Variants in SLIT1 observed in about 807,000 individuals in gnomAD.
SLIT1 encodes slit guidance ligand 1.
Under a neutral mutation model 186.1 loss-of-function variants are expected in SLIT1, and 66 were observed. The ratio of observed to expected loss-of-function variants is 0.35; its 90% CI spans 0.29 to 0.44. The LOEUF is 0.44. Among genes scored for constraint, SLIT1 ranks in the 20% least tolerant of loss-of-function variants. The pLI, the probability that SLIT1 is intolerant of heterozygous loss-of-function variation, is 1.00. For synonymous variants in SLIT1, 761 were observed against 833.8 expected (o/e 0.91, Z 1.50); for missense variants, 1,638 against 2,037.4 (o/e 0.80, Z 3.77).
chr10:97,006,844 G>A lies in SLIT1; in HGVS notation c.3342-124C>T. 1.5e-6 allele frequency: 1 copy of A among 683,568 alleles called. No homozygotes were observed. Among genetic ancestry groups the A allele is most frequent in the East Asian group, 2.7e-5 (1 of 36,776 alleles). 42.3% of individuals were successfully genotyped at this position (683,568 alleles called of 1,614,324 possible). ...ATGGATTCTTAAAGCGACAGAAGAT[G>A]CTCCTAATAAACACTTTTCATGAGA... On this transcript the variant is annotated intron_variant, in intron 31 of 36. Coordinates refer to ENST00000266058, the MANE Select transcript of SLIT1 (RefSeq NM_003061.3). This position sits in a 1 kb window ranked among gnomAD's most constrained non-coding sequence, Gnocchi z 4.0.
At chr10:97,148,353 G>A (rs2784929) in intron 4 of SLIT1, among the ~76,000 whole-genome samples, 145,985 of 151,920 alleles carry the variant, frequency 0.96, 70,387 homozygotes, top group East Asian at 1. Flanking sequence ...CAGTGGCACA[G>A]TCATAACTCA....
intron 4 of SLIT1, among the ~76,000 whole-genome samples, chr10:97,147,625 G>A (rs1474331082): frequency 6.6e-6 from 1 of 151,228 alleles, no homozygotes; most frequent in Non-Finnish European, 1.5e-5. Context: ...CAGGTTCAGA[G>A]AGCTGGGAGG....
chr10:97,166,542 G>GGAAA (rs1850110940), intron 1 of SLIT1, among the ~76,000 whole-genome samples: 1 of 51,774 alleles, frequency 1.9e-5, no homozygotes, highest in African/African-American at 7.7e-5. Flanking sequence ...AAGGAAGGAA[G>GGAAA]GAAGGAAGGA....
intron 4 of SLIT1, among the ~76,000 whole-genome samples, chr10:97,079,758 T>C (rs1398105271): frequency 6.6e-6 from 1 of 152,168 alleles, no homozygotes; most frequent in Non-Finnish European, 1.5e-5. Context: ...TGTGAGTATC[T>C]GACTGTGCCA....
At chr10:97,055,509 G>T (rs1055450160) in intron 13 of SLIT1, among the ~76,000 whole-genome samples, 2 of 152,046 alleles carry the variant, frequency 1.3e-5, no homozygotes, top group African/African-American at 4.8e-5. Context: ...CTACAGGTAT[G>T]TGCCATCATA....
intron 4 of SLIT1, among the ~76,000 whole-genome samples, chr10:97,072,331 T>C (rs576085276): frequency 2.6e-5 from 4 of 152,262 alleles, no homozygotes; most frequent in Admixed American, 1.3e-4. Context: ...GCTAATTTTT[T>C]AAAAAATATT....
At chr10:97,099,931 C>T (rs1193138265) in intron 4 of SLIT1, among the ~76,000 whole-genome samples, 2 of 152,130 alleles carry the variant, frequency 1.3e-5, no homozygotes, top group Admixed American at 6.5e-5. Flanking sequence ...CGTTGAAAAG[C>T]CATTTAATAA....
rs919623602 is a variant in SLIT1, at chr10:97,004,292, C to T, written c.3711-70G>A. On this transcript the variant is annotated intron_variant, in intron 33 of 36. Coordinates refer to ENST00000266058, the MANE Select transcript of SLIT1 (RefSeq NM_003061.3). This position sits in a 1 kb window ranked among gnomAD's most constrained non-coding sequence, Gnocchi z 5.1. ...CTGGACCATCCCTGCCTGGGCACTTCCCCAGAAACACCAGTAGCTGCTTCC... is the reference window on the plus strand; with the variant it reads ...CTGGACCATCCCTGCCTGGGCACTTTCCCAGAAACACCAGTAGCTGCTTCC... 3 of 1,475,556 alleles carry T rather than the reference C, an allele frequency of 2.0e-6. No homozygotes were observed. In the South Asian group the frequency reaches 3.7e-5, roughly 18 times the overall value. The allele number at this position is 1,475,556 out of a possible 1,614,324, so 91.4% of individuals were successfully genotyped here.
intron 32 of SLIT1, among the ~76,000 whole-genome samples, chr10:97,005,719 A>G (rs2134587952): frequency 6.6e-6 from 1 of 152,338 alleles, no homozygotes; most frequent in South Asian, 2.1e-4. Context: ...CTTGCCATGT[A>G]GACTATGTAA....
chr10:97,073,060 T>G (rs578148419), intron 4 of SLIT1, among the ~76,000 whole-genome samples: 37 of 152,356 alleles, frequency 2.4e-4, no homozygotes, highest in African/African-American at 8.4e-4. Context: ...TCCCTGGACC[T>G]GGATGCCTCA....
At chr10:97,048,068 C>T in intron 14 of SLIT1, 72 bp from the exon 15 acceptor site, 2 of 1,557,252 alleles carry the variant, frequency 1.3e-6, no homozygotes, top group South Asian at 2.2e-5. Context: ...AGGCCCCAGC[C>T]CCACTGCTCA....
intron 4 of SLIT1, among the ~76,000 whole-genome samples, chr10:97,151,362 G>T (rs1040039880): frequency 4.0e-5 from 6 of 150,650 alleles, no homozygotes; most frequent in Admixed American, 2.0e-4. Context: ...GTGGGAGGGG[G>T]AGGGTTGATG....
intron 4 of SLIT1, among the ~76,000 whole-genome samples, chr10:97,121,094 C>T (rs778502170): frequency 1.1e-4 from 16 of 152,180 alleles, no homozygotes; most frequent in Non-Finnish European, 1.8e-4. Context: ...TGCATTCTCT[C>T]CTTCTGTAGA....
chr10:97,177,497 T>C (rs1041480625), intron 1 of SLIT1, among the ~76,000 whole-genome samples: 1 of 152,214 alleles, frequency 6.6e-6, no homozygotes, highest in Non-Finnish European at 1.5e-5. Flanking sequence ...TAGCTTCCTA[T>C]GACAAATTAC....
At chr10:97,073,940 G>T (rs1849023074) in intron 4 of SLIT1, among the ~76,000 whole-genome samples, 3 of 152,178 alleles carry the variant, frequency 2.0e-5, no homozygotes, top group African/African-American at 7.2e-5. Flanking sequence ...CTGTGTACTT[G>T]CTGTGGCTTC....
In SLIT1 at chr10:97,002,338, C is replaced by T. The variant is rs200420992; in HGVS notation, c.4186G>A (p.Ala1396Thr). The change falls in exon 36 of 37, where the codon GCT becomes ACT. Residue 1396 changes from alanine (A) to threonine (T), a missense_variant. Transcript: ENST00000266058. ...CVHGQCVPLD[A>T]LSYSCQCQDG... ...TGGCACTGGCAGCTGTAGGAAAGAG[C>T]GTCGAGGGGCACGCATTGCCCATGG... 33 of 1,609,924 alleles carry T rather than the reference C, an allele frequency of 2.0e-5. No individual in the cohort carries two copies. Among genetic ancestry groups the T allele is most frequent in the Admixed American group, 1.5e-4 (9 of 59,906 alleles).
chr10:97,146,404 T>G (rs1047489852), intron 4 of SLIT1, among the ~76,000 whole-genome samples: 5 of 152,192 alleles, frequency 3.3e-5, no homozygotes, highest in African/African-American at 1.2e-4. Context: ...GAGTCCAGCC[T>G]GGCACCAACT....
chr10:97,078,018 G>A (rs1849062227), intron 4 of SLIT1, among the ~76,000 whole-genome samples: 1 of 152,028 alleles, frequency 6.6e-6, no homozygotes, highest in Non-Finnish European at 1.5e-5. Flanking sequence ...TGAGTTGGGA[G>A]GATTGTCAAG....
rs980354165 is a variant in SLIT1 at position 97,068,287 on chromosome 10, G to A, written c.414-2201C>T. ...TCGAGGCCTGGCCCTCCCCCTCCTG[G>A]CCATACATCTGCAAGGCACCCTTCC... is the stretch of plus-strand genomic sequence containing the variant. On this transcript the variant is annotated intron_variant, in intron 4 of 36. Transcript: ENST00000266058. This position sits in a 1 kb window ranked among gnomAD's most constrained non-coding sequence, Gnocchi z 4.2. 6.6e-6 allele frequency among the ~76,000 whole-genome samples: 1 copy of A among 152,082 alleles called. No homozygotes were observed. Among genetic ancestry groups the A allele is most frequent in the African/African-American group, 2.4e-5 (1 of 41,396 alleles).
Sources: gnomAD v4.1 joint callset for allele counts (sites outside exome capture counted in the v4.1 genomes callset) on GRCh38, gnomAD v4.1.1 for gene constraint, Gnocchi (gnomAD v3.1) non-coding constraint, MANE v1.5 for transcripts, NCBI Gene and HGNC (gene_info 2026-07-23, HGNC 2026-07-21) for gene names.